The following SAV1 variants were observed in gnomAD, a reference collection of about 807,000 sequenced individuals.
SAV1 encodes the protein salvador family WW domain containing protein 1.
SAV1 carries 23 observed loss-of-function variants against 47.3 expected under a neutral mutation model. The ratio of observed to expected loss-of-function variants is 0.49; its 90% CI spans 0.35 to 0.69. SAV1 has a LOEUF of 0.69. Among genes scored for constraint, SAV1 ranks in the 30% least tolerant of loss-of-function variants. The pLI, the probability that SAV1 is intolerant of heterozygous loss-of-function variation, is 0.01. For synonymous variants in SAV1, 155 were observed against 159.2 expected, an observed-to-expected ratio of 0.97 and a Z score of 0.20; for missense variants, 448 against 457.4, an observed-to-expected ratio of 0.98 and a Z score of 0.19.
chr14:50,640,713 C>T, intron 4 of SAV1, 37 bp downstream of exon 4: 1 of 1,582,666 alleles, frequency 6.3e-7, no homozygotes, highest in Non-Finnish European at 8.6e-7. Flanking sequence ...GCCCTTCACT[C>T]ACTCCTCAAA....
At chr14:50,642,165 C>A (rs529972054) in intron 3 of SAV1, among the ~76,000 whole-genome samples, 45 of 152,178 alleles carry the variant, frequency 3.0e-4, no homozygotes, top group African/African-American at 1.0e-3. Context: ...TACACATGGA[C>A]ACAAAGAAGG....
intron 1 of SAV1, chr14:50,667,503 A>C: frequency 2.2e-6 from 1 of 463,670 alleles, no homozygotes; most frequent in South Asian, 1.5e-5. Flanking sequence ...CGACGCATCT[A>C]AAAGAGTAAA....
chr14:50,640,955 A>G (rs537365280), intron 3 of SAV1, 62 bp from the exon 4 acceptor site: 10 of 1,471,308 alleles, frequency 6.8e-6, no homozygotes, highest in Non-Finnish European at 9.2e-7. Flanking sequence ...AAGAAATTAT[A>G]AAGAACAAAT....
intron 2 of SAV1, chr14:50,662,768 G>T (rs768922712): frequency 6.6e-6 from 1 of 152,162 alleles, no homozygotes; most frequent in Non-Finnish European, 1.5e-5. Context: ...CTACAATATA[G>T]GTGGGAAAGG....
intron 4 of SAV1, among the ~76,000 whole-genome samples, chr14:50,638,713 A>G (rs556195832): frequency 2.0e-4 from 31 of 152,320 alleles, no homozygotes; most frequent in African/African-American, 7.5e-4. Context: ...GTGAGAAATA[A>G]CAGAAAGTAA....
In SAV1 at chr14:50,634,757, T is replaced by G. The variant is rs1595631113; in HGVS notation, c.*426A>C. The G allele has an allele frequency of 6.1e-6, 1 of 164,798 alleles. No individual in the cohort carries two copies. The highest frequency in any genetic ancestry group is 1.8e-4 in the East Asian group (1 of 5,534). 10.2% of individuals were successfully genotyped at this position (164,798 alleles called of 1,614,324 possible). A position where few individuals can be genotyped will look rare whatever the true frequency, so the allele number is the denominator to read the frequency against. ...TATTTCAACTACATCATGGTAATAT[T>G]TAAACCATCCCTTTCCAGACAATAT... On this transcript the variant is annotated 3_prime_UTR_variant, in exon 5 of 5. Transcript: ENST00000324679.
At chr14:50,646,797 A>T (rs1000421179) in intron 2 of SAV1, among the ~76,000 whole-genome samples, 12 of 152,138 alleles carry the variant, frequency 7.9e-5, no homozygotes, top group African/African-American at 2.9e-4. Context: ...AGCCAAAACA[A>T]TTTTTTTGAA....
chr14:50,635,678 C>G (rs1319728021), intron 4 of SAV1, among the ~76,000 whole-genome samples: 1 of 152,100 alleles, frequency 6.6e-6, no homozygotes. Context: ...TTTTAAAAAT[C>G]TGAGTTATTA....
chr14:50,649,831 C>T (rs897812029), intron 2 of SAV1, among the ~76,000 whole-genome samples: 1 of 152,158 alleles, frequency 6.6e-6, no homozygotes, highest in African/African-American at 2.4e-5. Context: ...ACCCAAGGCC[C>T]TAACTGCCAA....
intron 2 of SAV1, among the ~76,000 whole-genome samples, chr14:50,658,946 T>G (rs533401542): frequency 1.3e-5 from 2 of 152,330 alleles, no homozygotes; most frequent in African/African-American, 4.8e-5. Flanking sequence ...ACTTTAGAGA[T>G]TCCTTCAAAA....
Position 50,668,121 on chromosome 14 carries a change from C to G in SAV1, c.-154G>C, listed in dbSNP as rs2039921155. On this transcript the variant is annotated 5_prime_UTR_variant, in exon 1 of 5. Coordinates refer to ENST00000324679, the MANE Select transcript of SAV1 (RefSeq NM_021818.4). Reference sequence around the variant, plus strand: ...CCGCCTGTCCGGAGCCCGGGGTCGCCCGCAGGGACTGCCGCATGTTCAGGG... The same window carrying G: ...CCGCCTGTCCGGAGCCCGGGGTCGCGCGCAGGGACTGCCGCATGTTCAGGG... The G allele has an allele frequency of 2.6e-6, 1 of 383,494 alleles. No individual in the cohort carries two copies. Among genetic ancestry groups the G allele is most frequent in the Non-Finnish European group, 4.4e-6 (1 of 227,856 alleles). The allele number at this position is 383,494 out of a possible 1,614,324, so 23.8% of individuals were successfully genotyped here. A position where few individuals can be genotyped will look rare whatever the true frequency, so the allele number is the denominator to read the frequency against.
chr14:50,667,850 G>A (rs773717334), intron 1 of SAV1, 24 bp downstream of exon 1: 3 of 1,606,814 alleles, frequency 1.9e-6, no homozygotes, highest in South Asian at 2.2e-5. Flanking sequence ...GGCCAGGTGT[G>A]GGCACGCCCC....
At position 50,654,936 on chromosome 14, in the gene SAV1, A is replaced by G. The variant is rs755853331; in HGVS notation, c.536-9922T>C. ...TCTGGCAAAAAGGATGCAAGAACAA[A>G]AACAGATGCAAGAACAAGTAGATCA... On this transcript the variant is annotated intron_variant, in intron 2 of 4. Transcript: ENST00000324679. 1.0e-3 allele frequency among the ~76,000 whole-genome samples: 154 copies of G among 152,316 alleles called. 1 individual carries two copies. The highest frequency in any genetic ancestry group is 1.6e-3 in the Admixed American group (24 of 15,290).
At chr14:50,663,628 T>C (rs540878528) in intron 2 of SAV1, among the ~76,000 whole-genome samples, 2 of 152,336 alleles carry the variant, frequency 1.3e-5, no homozygotes, top group East Asian at 3.9e-4. Flanking sequence ...AAAACTTCAG[T>C]GATCTGCTTT....
chr14:50,667,738 A>C (rs2039915156), intron 1 of SAV1, 136 bp downstream of exon 1: 2 of 661,278 alleles, frequency 3.0e-6, no homozygotes, highest in African/African-American at 1.8e-5. Context: ...TTCAGACACA[A>C]GAAAATCTCA....
In SAV1 at chr14:50,644,909, C is replaced by A. The variant is rs1181309843; in HGVS notation, c.641G>T (p.Arg214Ile). ...TGTGTTATGATCTATATAATATTTT[C>A]TCCCTCTCATTGTCCAGTCCACAGA... is the stretch of plus-strand genomic sequence containing the variant. Reference protein sequence around the residue: ...GWSVDWTMRGRKYYIDHNTNT... With the variant: ...GWSVDWTMRGIKYYIDHNTNT... Residue 214 changes from arginine (R) to isoleucine (I), a missense_variant, in exon 3 of 5, where the codon AGA (arginine) becomes ATA (isoleucine). Physicochemically the swap from Arg to Ile is moderately conservative, Grantham distance 97 (BLOSUM62 -3). Transcript: ENST00000324679. 1 of 1,614,102 alleles carries A rather than the reference C, an allele frequency of 6.2e-7. No homozygotes were observed. Among genetic ancestry groups the A allele is most frequent in the Non-Finnish European group, 8.5e-7 (1 of 1,180,014 alleles).
chr14:50,646,408 G>A (rs957179268), intron 2 of SAV1, among the ~76,000 whole-genome samples: 23 of 152,166 alleles, frequency 1.5e-4, no homozygotes, highest in East Asian at 9.6e-4. Flanking sequence ...AATTCCGGCC[G>A]AGCGCAGTGG....
At chr14:50,667,182 G>C (rs1259473740) in intron 1 of SAV1, among the ~76,000 whole-genome samples, 1 of 151,622 alleles carries the variant, frequency 6.6e-6, no homozygotes, top group Non-Finnish European at 1.5e-5. Context: ...CGGAGGTGGG[G>C]ATTGGGAGTG....
intron 2 of SAV1, among the ~76,000 whole-genome samples, chr14:50,648,241 C>G (rs2039738427): frequency 6.6e-6 from 1 of 152,086 alleles, no homozygotes; most frequent in South Asian, 2.1e-4. Context: ...CTTCCAAACA[C>G]AAAACTACTA....
Sources: allele counts gnomAD v4.1 joint callset (sites outside exome capture counted in the v4.1 genomes callset), GRCh38; gene constraint gnomAD v4.1.1; transcripts MANE v1.5; gene names NCBI Gene and HGNC (gene_info 2026-07-23, HGNC 2026-07-21).